GNA14: variants seen among roughly 807,000 people sequenced by gnomAD.
The protein encoded by GNA14 is G protein subunit alpha 14, also known as guanine nucleotide-binding protein subunit alpha-14.
In GNA14, 50 loss-of-function variants were observed where a neutral mutation model predicts 42.0. The observed-to-expected ratio is 1.19, with a 90% CI of 0.95 to 1.51. The LOEUF (loss-of-function observed/expected upper bound fraction) is 1.51, where lower values mean the gene tolerates loss of function less well. GNA14 is among the 40% of genes most tolerant of loss of function. The pLI is 0.00. For synonymous variants in GNA14, 173 were observed against 163.1 expected, an observed-to-expected ratio of 1.06 and a Z score of -0.46; for missense variants, 473 against 446.2, an observed-to-expected ratio of 1.06 and a Z score of -0.54.
intron 1 of GNA14, among the ~76,000 whole-genome samples, chr9:77,625,424 A>G (rs1823998082): frequency 6.6e-6 from 1 of 152,052 alleles, no homozygotes. Flanking sequence ...AAGAAGAGCA[A>G]CCCCAAGACA....
chr9:77,585,483 T>A (rs1198839698), intron 1 of GNA14, among the ~76,000 whole-genome samples: 1 of 152,204 alleles, frequency 6.6e-6, no homozygotes, highest in Non-Finnish European at 1.5e-5. Flanking sequence ...TAACAAACCT[T>A]ACCTTTCTTT....
intron 1 of GNA14, among the ~76,000 whole-genome samples, chr9:77,593,284 T>G (rs1244842979): frequency 6.6e-6 from 1 of 151,796 alleles, no homozygotes; most frequent in Non-Finnish European, 1.5e-5. Flanking sequence ...ATTACAGAGG[T>G]AAAAGCTGAA....
At chr9:77,563,514 A>G (rs1822915631) in intron 1 of GNA14, among the ~76,000 whole-genome samples, 2 of 152,184 alleles carry the variant, frequency 1.3e-5, no homozygotes, top group Non-Finnish European at 2.9e-5. Flanking sequence ...CCGAACCAAT[A>G]TTGACCCTAG....
At chr9:77,454,951 T>C (rs1835974387) in intron 2 of GNA14, among the ~76,000 whole-genome samples, 1 of 152,238 alleles carries the variant, frequency 6.6e-6, no homozygotes, top group Non-Finnish European at 1.5e-5. Flanking sequence ...TGGTTTGCAT[T>C]AGTTTTCTAT....
At chr9:77,565,044 TCTG>T (rs1822945116) in intron 1 of GNA14, among the ~76,000 whole-genome samples, 1 of 152,238 alleles carries the variant, frequency 6.6e-6, no homozygotes, top group African/African-American at 2.4e-5. Flanking sequence ...TGCATATTGT[TCTG>T]CTGCTGTTTT....
At chr9:77,534,061 T>G (rs532980986) in intron 1 of GNA14, among the ~76,000 whole-genome samples, 5 of 152,220 alleles carry the variant, frequency 3.3e-5, no homozygotes, top group Non-Finnish European at 7.3e-5. Context: ...TTCAATAAAC[T>G]TGTAATGAAA....
At chr9:77,434,634 C>T (rs764005307) in intron 2 of GNA14, 112 bp from the exon 3 acceptor site, 64 of 921,594 alleles carry the variant, frequency 6.9e-5, no homozygotes, top group Non-Finnish European at 1.0e-4. Flanking sequence ...TCTCACTAGG[C>T]ATGGGGCGTG....
chr9:77,480,292 G>C (rs556363701), intron 2 of GNA14, among the ~76,000 whole-genome samples: 172 of 152,240 alleles, frequency 1.1e-3, no homozygotes, highest in African/African-American at 3.8e-3. Flanking sequence ...GGCCTTTTCT[G>C]CATCTATTGA....
At chr9:77,629,956 T>TTA (rs1824071336) in intron 1 of GNA14, among the ~76,000 whole-genome samples, 2 of 152,208 alleles carry the variant, frequency 1.3e-5, no homozygotes, top group Admixed American at 1.3e-4. Flanking sequence ...TTGTCCTTAT[T>TTA]TATGGTATTT....
At chr9:77,622,220 T>C (rs1253201105) in intron 1 of GNA14, among the ~76,000 whole-genome samples, 2 of 152,214 alleles carry the variant, frequency 1.3e-5, no homozygotes, top group Non-Finnish European at 2.9e-5. Context: ...AATGACCTCA[T>C]GTGCACACAG....
At chr9:77,447,343 C>G (rs540646340) in intron 2 of GNA14, among the ~76,000 whole-genome samples, 4 of 152,162 alleles carry the variant, frequency 2.6e-5, no homozygotes, top group Non-Finnish European at 5.9e-5. Flanking sequence ...TTTCTCAGAC[C>G]CAAACTACAG....
chr9:77,449,492 G>A (rs12341276), intron 2 of GNA14, among the ~76,000 whole-genome samples: 8,955 of 152,124 alleles, frequency 0.059, 359 homozygotes, highest in African/African-American at 0.11. Flanking sequence ...GTTCAATATC[G>A]TATTGTTTGT....
At chr9:77,554,310 G>A (rs1244544243) in intron 1 of GNA14, among the ~76,000 whole-genome samples, 2 of 152,162 alleles carry the variant, frequency 1.3e-5, no homozygotes, top group Admixed American at 6.5e-5. Flanking sequence ...CTTAATGGTG[G>A]TAATCACTGG....
At chr9:77,488,198 G>T (rs979724926) in intron 2 of GNA14, among the ~76,000 whole-genome samples, 1 of 152,178 alleles carries the variant, frequency 6.6e-6, no homozygotes, top group Non-Finnish European at 1.5e-5. Context: ...TTAAAAAACT[G>T]TGAGGAGGTG....
chr9:77,616,586 G>C (rs138629903), intron 1 of GNA14, among the ~76,000 whole-genome samples: 1 of 152,226 alleles, frequency 6.6e-6, no homozygotes, highest in African/African-American at 2.4e-5. Flanking sequence ...CGAGGTACAG[G>C]CATGCTGATG....
At chr9:77,472,397 A>G (rs1480110616) in intron 2 of GNA14, among the ~76,000 whole-genome samples, 1 of 152,174 alleles carries the variant, frequency 6.6e-6, no homozygotes, top group Non-Finnish European at 1.5e-5. Flanking sequence ...CATCTTCCAA[A>G]AAGAAATGTC....
intron 1 of GNA14, among the ~76,000 whole-genome samples, chr9:77,575,225 T>C (rs1042666614): frequency 6.6e-6 from 1 of 152,132 alleles, no homozygotes; most frequent in Non-Finnish European, 1.5e-5. Context: ...TCATGAAAAC[T>C]AGACATTATT....
At chr9:77,583,708 CCTAAA>C (rs1309609137) in intron 1 of GNA14, among the ~76,000 whole-genome samples, 12 of 152,130 alleles carry the variant, frequency 7.9e-5, no homozygotes, top group African/African-American at 2.9e-4. Flanking sequence ...TTGATCAGCC[CCTAAA>C]CTAATGTTTC....
At chr9:77,473,411 A>G (rs1454430810) in intron 2 of GNA14, among the ~76,000 whole-genome samples, 3 of 152,140 alleles carry the variant, frequency 2.0e-5, no homozygotes, top group Non-Finnish European at 4.4e-5. Context: ...AATCAAGATC[A>G]TGCCACTGCA....
Sources: allele counts gnomAD v4.1 joint callset (sites outside exome capture counted in the v4.1 genomes callset), GRCh38; gene constraint gnomAD v4.1.1; transcripts MANE v1.5; gene names NCBI Gene and HGNC (gene_info 2026-07-23, HGNC 2026-07-21).